Variants in RBMS1 observed in about 807,000 individuals in gnomAD.
The protein encoded by RBMS1 is RNA-binding motif, single-stranded-interacting protein 1.
RBMS1 carries 17 observed loss-of-function variants against 62.3 expected under a neutral mutation model. The observed-to-expected ratio is 0.27, with a 90% CI of 0.19 to 0.41. The LOEUF is 0.41. Among genes scored for constraint, RBMS1 ranks in the 10% least tolerant of loss-of-function variants. The pLI is 1.00. For synonymous variants in RBMS1, 172 were observed against 170.0 expected (o/e 1.01, Z -0.09); for missense variants, 334 against 504.5 (o/e 0.66, Z 3.24).
At chr2:160,432,880 C>T (rs1355111331) in intron 1 of RBMS1, among the ~76,000 whole-genome samples, 2 of 151,738 alleles carry the variant, frequency 1.3e-5, no homozygotes, top group East Asian at 3.9e-4. Context: ...AAGCATTTCA[C>T]TTAATGGTTT....
At chr2:160,491,873 T>A (rs1265188197) in intron 1 of RBMS1, among the ~76,000 whole-genome samples, 3 of 152,134 alleles carry the variant, frequency 2.0e-5, no homozygotes, top group Admixed American at 2.0e-4. Context: ...GAATAAGGGG[T>A]ATCCTTGCTG....
At chr2:160,318,601 A>G (rs1177749407) in intron 2 of RBMS1, among the ~76,000 whole-genome samples, 1 of 152,224 alleles carries the variant, frequency 6.6e-6, no homozygotes. Flanking sequence ...ATAGAATTCT[A>G]ACAGGAAAGT....
chr2:160,370,339 A>C (rs1213129550), intron 1 of RBMS1, among the ~76,000 whole-genome samples: 1 of 152,206 alleles, frequency 6.6e-6, no homozygotes, highest in African/African-American at 2.4e-5. Flanking sequence ...CGTTTTTAGA[A>C]GTCACTGAAA....
At chr2:160,422,637 C>T (rs80181793) in intron 1 of RBMS1, among the ~76,000 whole-genome samples, 14,664 of 151,748 alleles carry the variant, frequency 0.097, 973 homozygotes, top group East Asian at 0.25. Flanking sequence ...CAGCTCCCCC[C>T]GCCCCACCAC....
rs576294257 is a variant in RBMS1 at position 160,365,743 on chromosome 2, T to C, written c.251+1473A>G. 3.9e-5 allele frequency among the ~76,000 whole-genome samples: 6 copies of C among 152,334 alleles called. No individual in the cohort carries two copies. In the South Asian group the frequency reaches 1.2e-3, roughly 32 times the overall value. On this transcript the variant is annotated intron_variant, in intron 2 of 13. Coordinates refer to ENST00000348849, the MANE Select transcript of RBMS1 (RefSeq NM_016836.4). ...ACGTCCATTCTTCTGCTTCTTACAG[T>C]CATATTTTTAGTTCCTTAGACTTTA...
intron 1 of RBMS1, among the ~76,000 whole-genome samples, chr2:160,465,150 T>C (rs904118246): frequency 6.6e-6 from 1 of 152,246 alleles, no homozygotes; most frequent in Admixed American, 6.5e-5. Context: ...AGAGACAGAT[T>C]AATTGGCCAA....
chr2:160,326,036 CT>C (rs1258614532), intron 2 of RBMS1, among the ~76,000 whole-genome samples: 1 of 152,068 alleles, frequency 6.6e-6, no homozygotes, highest in Non-Finnish European at 1.5e-5. Flanking sequence ...CTGAGTGTAC[CT>C]TTATGAATAA....
At chr2:160,450,316 G>A (rs975066858) in intron 1 of RBMS1, among the ~76,000 whole-genome samples, 1 of 152,058 alleles carries the variant, frequency 6.6e-6, no homozygotes, top group Non-Finnish European at 1.5e-5. Context: ...AGAGGTGGGT[G>A]GATCACCTGA....
chr2:160,443,361 A>G (rs1683498896), intron 1 of RBMS1, among the ~76,000 whole-genome samples: 1 of 152,124 alleles, frequency 6.6e-6, no homozygotes, highest in African/African-American at 2.4e-5. Context: ...AGCATGTGCT[A>G]TAGTCTGAAT....
chr2:160,318,229 T>TAAAAAAAAAAAAAAAAAAAAAATAA lies in RBMS1; in HGVS notation c.252-3_252-2insTTATTTTTTTTTTTTTTTTTTTTTT, dbSNP rs1690337597. ...TTTGTGGAGACTATTTTCCCATATC[T>TAAAAAAAAAAAAAAAAAAAAAATAA]AAAAAAAAAAAAAAAAAAAAAAAGG... On this transcript the variant is annotated splice_polypyrimidine_tract_variant and splice_region_variant and intron_variant, in intron 2 of 13. Coordinates refer to ENST00000348849, the MANE Select transcript of RBMS1 (RefSeq NM_016836.4). The TAAAAAAAAAAAAAAAAAAAAAATAA allele has an allele frequency of 1.0e-6, 1 of 993,498 alleles. No individual in the cohort carries two copies. The highest frequency in any genetic ancestry group is 6.2e-5 in the Admixed American group (1 of 16,098). 61.5% of individuals were successfully genotyped at this position (993,498 alleles called of 1,614,324 possible).
chr2:160,452,546 T>G (rs1263200607), intron 1 of RBMS1, among the ~76,000 whole-genome samples: 1 of 152,248 alleles, frequency 6.6e-6, no homozygotes, highest in South Asian at 2.1e-4. Flanking sequence ...TGTTTATTTT[T>G]AAAAATATTT....
chr2:160,379,716 G>C (rs1326683085), intron 1 of RBMS1, among the ~76,000 whole-genome samples: 1 of 152,216 alleles, frequency 6.6e-6, no homozygotes, highest in Admixed American at 6.5e-5. Context: ...AAGAAAAAAA[G>C]TGAAGATATT....
At chr2:160,386,468 G>A (rs1343841843) in intron 1 of RBMS1, among the ~76,000 whole-genome samples, 1 of 151,942 alleles carries the variant, frequency 6.6e-6, no homozygotes, top group Non-Finnish European at 1.5e-5. Context: ...CCCAGGAGGC[G>A]GAGGTTGCAG....
chr2:160,315,003 T>C (rs1051930276), intron 3 of RBMS1, among the ~76,000 whole-genome samples: 2 of 152,190 alleles, frequency 1.3e-5, no homozygotes, highest in African/African-American at 4.8e-5. Context: ...CTTTTACTGA[T>C]GGATATTTAA....
chr2:160,349,037 G>A (rs997778576), intron 2 of RBMS1, among the ~76,000 whole-genome samples: 1 of 152,054 alleles, frequency 6.6e-6, no homozygotes, highest in Non-Finnish European at 1.5e-5. Flanking sequence ...TTGGATCACA[G>A]AGCAGAAAGG....
At chr2:160,306,947 C>A (rs1468189909) in intron 4 of RBMS1, among the ~76,000 whole-genome samples, 1 of 151,962 alleles carries the variant, frequency 6.6e-6, no homozygotes, top group Non-Finnish European at 1.5e-5. Context: ...TTATAGGTGA[C>A]CAAACATAAA....
At chr2:160,280,318 T>C (rs921096415) in intron 10 of RBMS1, among the ~76,000 whole-genome samples, 1 of 152,200 alleles carries the variant, frequency 6.6e-6, no homozygotes. Flanking sequence ...TGTGTATATA[T>C]CACACAAAAC....
intron 2 of RBMS1, among the ~76,000 whole-genome samples, chr2:160,320,514 T>G (rs1164356717): frequency 6.6e-6 from 1 of 152,178 alleles, no homozygotes; most frequent in African/African-American, 2.4e-5. Flanking sequence ...TCAGGCTTAA[T>G]GAGAGGTGTC....
intron 5 of RBMS1, among the ~76,000 whole-genome samples, chr2:160,302,111 C>T (rs559324522): frequency 2.0e-5 from 3 of 151,850 alleles, no homozygotes; most frequent in African/African-American, 4.8e-5. Flanking sequence ...CCAAAATAAC[C>T]ACTACTCTGA....
Sources: allele counts gnomAD v4.1 joint callset (sites outside exome capture counted in the v4.1 genomes callset), GRCh38; gene constraint gnomAD v4.1.1; transcripts MANE v1.5; gene names NCBI Gene and HGNC (gene_info 2026-07-23, HGNC 2026-07-21).